The following LIN9 variants were observed in gnomAD, a reference collection of about 807,000 sequenced individuals.
LIN9 encodes the protein protein lin-9 homolog.
In LIN9, 18 loss-of-function variants were observed where a neutral mutation model predicts 78.0. The ratio of observed to expected loss-of-function variants is 0.23; its 90% CI spans 0.16 to 0.34. LIN9 has a LOEUF of 0.34. Among genes scored for constraint, LIN9 ranks in the 10% least tolerant of loss-of-function variants. The pLI is 1.00. For synonymous variants in LIN9, 192 were observed against 215.2 expected, an observed-to-expected ratio of 0.89 and a Z score of 0.94; for missense variants, 451 against 644.1, an observed-to-expected ratio of 0.70 and a Z score of 3.25.
rs916094124 is a variant in LIN9, at chr1:226,278,200, G to A, written c.525-268C>T. Among the ~76,000 whole-genome samples, 11 of 152,126 alleles carry A rather than the reference G, an allele frequency of 7.2e-5. 1 individual carries two copies. In the South Asian group the frequency reaches 1.2e-3, roughly 17 times the overall value. ...TCCCAGCACTTTGGGAGGCTGAGGC[G>A]GACAGATCAATTGAGGTCAGGAGTT... On this transcript the variant is annotated intron_variant, in intron 6 of 14. Coordinates refer to ENST00000681046, the MANE Select transcript of LIN9 (RefSeq NM_001366245.2).
intron 6 of LIN9, among the ~76,000 whole-genome samples, chr1:226,285,708 TTAGA>T (rs1661347382): frequency 6.6e-6 from 1 of 152,172 alleles, no homozygotes; most frequent in Non-Finnish European, 1.5e-5. Context: ...AAGTAACATA[TTAGA>T]TAGATTAATT....
intron 4 of LIN9, among the ~76,000 whole-genome samples, chr1:226,294,266 C>A (rs1661980434): frequency 7.8e-6 from 1 of 127,846 alleles, no homozygotes; most frequent in Non-Finnish European, 1.6e-5. Context: ...CAAGATCGTG[C>A]CAATGCAGTC....
chr1:226,248,766 CTT>C (rs997871798), intron 11 of LIN9, among the ~76,000 whole-genome samples: 7 of 152,066 alleles, frequency 4.6e-5, no homozygotes, highest in African/African-American at 1.7e-4. Context: ...CATATGCTAA[CTT>C]AATACTATTT....
chr1:226,309,056 G>A, intron 1 of LIN9, 53 bp downstream of exon 1: 1 of 1,302,926 alleles, frequency 7.7e-7, no homozygotes, highest in Non-Finnish European at 9.8e-7. Context: ...CGGTGCAACC[G>A]CTGGGCAAGC....
Position 226,266,218 on chromosome 1 carries a change from T to C in LIN9, c.931A>G (p.Ile311Val), listed in dbSNP as rs760398970. ...LHYTPPLQSP[I>V]IDNDPLLGQS... ...TATTTCTAAAATATACTTACTATAATTGGTGACTGGAGAGGAGGAGTATAA... is the reference window on the plus strand; with the variant it reads ...TATTTCTAAAATATACTTACTATAACTGGTGACTGGAGAGGAGGAGTATAA... The change falls in exon 9 of 15, where the codon ATT becomes GTT. Residue 311 changes from isoleucine (I) to valine (V), a missense_variant. By Grantham distance (29) the Ile-to-Val change is conservative. Coordinates refer to ENST00000681046, the MANE Select transcript of LIN9 (RefSeq NM_001366245.2). 1.7e-5 allele frequency: 26 copies of C among 1,566,460 alleles called. No individual in the cohort carries two copies. The highest frequency in any genetic ancestry group is 2.0e-5 in the Non-Finnish European group (23 of 1,152,344).
intron 10 of LIN9, among the ~76,000 whole-genome samples, chr1:226,253,168 C>A (rs575698742): frequency 2.1e-5 from 3 of 145,398 alleles, no homozygotes; most frequent in African/African-American, 7.6e-5. Context: ...GAGGCTGAGG[C>A]GGGAGGATTG....
At chr1:226,271,388 T>A (rs1660264256) in intron 7 of LIN9, among the ~76,000 whole-genome samples, 2 of 152,348 alleles carry the variant, frequency 1.3e-5, no homozygotes, top group African/African-American at 2.4e-5. Context: ...ACTCTTTGTT[T>A]ACTAAAATAT....
chr1:226,259,124 C>CTAATT (rs1323536387), intron 10 of LIN9, among the ~76,000 whole-genome samples: 9 of 151,648 alleles, frequency 5.9e-5, no homozygotes, highest in Non-Finnish European at 1.5e-5. Flanking sequence ...CCACACCTAG[C>CTAATT]TAATTTTGTA....
chr1:226,297,929 A>G, intron 2 of LIN9, 116 bp from the exon 3 acceptor site: 1 of 417,070 alleles, frequency 2.4e-6, no homozygotes, highest in Non-Finnish European at 4.2e-6. Flanking sequence ...TGGAAAAAAT[A>G]TACTGACTAT....
intron 6 of LIN9, among the ~76,000 whole-genome samples, chr1:226,278,920 GACCATCCTGGCTA>G (rs1660847534): frequency 6.9e-6 from 1 of 145,202 alleles, no homozygotes; most frequent in African/African-American, 2.5e-5. Flanking sequence ...AGGAAATCCA[GACCATCCTGGCTA>G]ACATGGTGAA....
chr1:226,284,831 T>C (rs10127970), intron 6 of LIN9, among the ~76,000 whole-genome samples: 107,279 of 152,128 alleles, frequency 0.71, 37,941 homozygotes, highest in East Asian at 0.74. Context: ...TATGTCTTAA[T>C]GTTTCTTCAT....
At chr1:226,293,662 C>T (rs978494770) in intron 4 of LIN9, among the ~76,000 whole-genome samples, 3 of 152,236 alleles carry the variant, frequency 2.0e-5, no homozygotes, top group African/African-American at 7.2e-5. Flanking sequence ...TCACTGCAAC[C>T]TCTGCCTCCC....
intron 6 of LIN9, among the ~76,000 whole-genome samples, chr1:226,283,278 ATTTTTTTTTTTT>A (rs71574569): frequency 1.2e-5 from 1 of 84,212 alleles, no homozygotes; most frequent in Non-Finnish European, 2.2e-5. Flanking sequence ...TAATTTTTGA[ATTTTTTTTTTTT>A]TTTTTTTTTT....
chr1:226,276,575 C>T (rs1660673472), intron 7 of LIN9, among the ~76,000 whole-genome samples: 1 of 152,032 alleles, frequency 6.6e-6, no homozygotes, highest in Non-Finnish European at 1.5e-5. Flanking sequence ...ATCGTTTTTA[C>T]AATATAATGG....
chr1:226,256,508 G>A (rs1217634716), intron 10 of LIN9, among the ~76,000 whole-genome samples: 3 of 151,664 alleles, frequency 2.0e-5, no homozygotes, highest in Non-Finnish European at 2.9e-5. Flanking sequence ...GCAGCAGCCT[G>A]AGAAACACCG....
intron 1 of LIN9, among the ~76,000 whole-genome samples, chr1:226,301,903 TA>T (rs1558210266): frequency 6.6e-6 from 1 of 152,038 alleles, no homozygotes; most frequent in African/African-American, 2.4e-5. Flanking sequence ...ATCCTGTCTC[TA>T]AAAAAATGTT....
intron 10 of LIN9, among the ~76,000 whole-genome samples, chr1:226,258,972 A>ATT (rs377676108): frequency 7.0e-4 from 86 of 122,116 alleles, no homozygotes; most frequent in Middle Eastern, 4.3e-3. Flanking sequence ...AGACATAATA[A>ATT]TTTTTTTTTT....
upstream of LIN9, chr1:226,309,748 C>G: frequency 1.6e-6 from 2 of 1,287,670 alleles, no homozygotes. Context: ...CCTCGCGATC[C>G]GGGCACGCCT....
At chr1:226,252,100 T>C (rs1197209444) in intron 10 of LIN9, among the ~76,000 whole-genome samples, 2 of 151,320 alleles carry the variant, frequency 1.3e-5, no homozygotes, top group Admixed American at 1.3e-4. Context: ...AGTCTAGGAG[T>C]TTGAGACCTC....
Sources: allele counts gnomAD v4.1 joint callset (sites outside exome capture counted in the v4.1 genomes callset), GRCh38; gene constraint gnomAD v4.1.1; transcripts MANE v1.5; gene names NCBI Gene and HGNC (gene_info 2026-07-23, HGNC 2026-07-21).